ERI3: variants seen among roughly 807,000 people sequenced by gnomAD.
ERI3 encodes ERI1 exoribonuclease family member 3, also known as ERI1 exoribonuclease 3.
ERI3 carries 18 observed loss-of-function variants against 44.4 expected under a neutral mutation model. That is an observed-to-expected ratio of 0.41 (90% confidence interval 0.28 to 0.60). The LOEUF (loss-of-function observed/expected upper bound fraction) is 0.60. Ranked by LOEUF, ERI3 falls within the 20% of genes least tolerant of loss-of-function variation. ERI3 has a pLI of 0.36. For synonymous variants in ERI3, 183 were observed against 164.8 expected (o/e 1.11, Z -0.84); for missense variants, 294 against 435.5 (o/e 0.68, Z 2.89).
chr1:44,341,449 A>T (rs1646650850), intron 2 of ERI3, among the ~76,000 whole-genome samples: 1 of 152,250 alleles, frequency 6.6e-6, no homozygotes, highest in African/African-American at 2.4e-5. Context: ...TTCATAAGGC[A>T]GCCTCAGAGA....
intron 7 of ERI3, among the ~76,000 whole-genome samples, chr1:44,250,691 A>G (rs1438099189): frequency 1.3e-5 from 2 of 148,490 alleles, no homozygotes; most frequent in African/African-American, 2.5e-5. Flanking sequence ...GTGATAACCA[A>G]TTGCTGCTGT....
chr1:44,334,704 A>G (rs1239307889), intron 3 of ERI3, among the ~76,000 whole-genome samples: 6 of 152,254 alleles, frequency 3.9e-5, no homozygotes. Context: ...TGGCAAGCCA[A>G]CCACTCCAGT....
chr1:44,317,354 C>T (rs1446456046), intron 4 of ERI3, among the ~76,000 whole-genome samples: 1 of 152,148 alleles, frequency 6.6e-6, no homozygotes, highest in Non-Finnish European at 1.5e-5. Context: ...GAATGACAGC[C>T]CCCATCCTGT....
At chr1:44,254,239 T>C (rs1644738945) in intron 7 of ERI3, among the ~76,000 whole-genome samples, 1 of 152,100 alleles carries the variant, frequency 6.6e-6, no homozygotes, top group Non-Finnish European at 1.5e-5. Context: ...TCTACCTATT[T>C]CAGTCATCTT....
intron 7 of ERI3, among the ~76,000 whole-genome samples, chr1:44,279,779 T>G (rs901500987): frequency 6.6e-6 from 1 of 152,200 alleles, no homozygotes; most frequent in African/African-American, 2.4e-5. Flanking sequence ...CAATCACCAT[T>G]TGCTGTTTAT....
chr1:44,308,395 C>T lies in ERI3; in HGVS notation c.673G>A (p.Asp225Asn), dbSNP rs778966331. 1.9e-6 allele frequency: 3 copies of T among 1,613,858 alleles called. No individual in the cohort carries two copies. Among genetic ancestry groups the T allele is most frequent in the South Asian group, 2.2e-5 (2 of 91,084 alleles). Residue 225 changes from aspartate (D) to asparagine (N), a missense_variant, in exon 6 of 9, where the codon GAT (aspartate) becomes AAT (asparagine). Physicochemically the swap from Asp to Asn is conservative, Grantham distance 23 (BLOSUM62 1). Around this residue, in one of 2 missense-constraint regions of ERI3, gnomAD observed 187 missense variants for 338.6 expected, o/e 0.55. Transcript: ENST00000372257. ...AGGCCTTCCTTCGCCATCCATTCAT[C>T]GACCCTCTGAAAAGTACACAAGAAC... ...PSLQQVLERV[D>N]EWMAKEGLLD...
rs141114785 is a variant in ERI3, at chr1:44,310,951, T to TCGCGCGCGCG, written c.666+2208_666+2217dup. Among the ~76,000 whole-genome samples, 481 of 94,500 alleles carry TCGCGCGCGCG rather than the reference T, an allele frequency of 5.1e-3. 11 individuals are homozygous for TCGCGCGCGCG. The highest frequency in any genetic ancestry group is 0.015 in the Middle Eastern group (3 of 204). 62.0% of individuals were successfully genotyped at this position (94,500 alleles called of 152,430 possible). A position where few individuals can be genotyped will look rare whatever the true frequency, so the allele number is the denominator to read the frequency against. ...CCAACTCCTTGCATGTATGTGCACA[T>TCGCGCGCGCG]CGCGCGCGCGCGCACACACACACAC... On this transcript the variant is annotated intron_variant, in intron 5 of 8. Coordinates refer to ENST00000372257, the MANE Select transcript of ERI3 (RefSeq NM_024066.3).
At chr1:44,325,741 A>G (rs1454135733) in intron 3 of ERI3, among the ~76,000 whole-genome samples, 2 of 152,036 alleles carry the variant, frequency 1.3e-5, no homozygotes, top group South Asian at 4.1e-4. Context: ...GGCTCACTGC[A>G]ACCTCCGCCT....
At chr1:44,269,528 T>C (rs899037955) in intron 7 of ERI3, among the ~76,000 whole-genome samples, 3 of 152,150 alleles carry the variant, frequency 2.0e-5, no homozygotes, top group South Asian at 2.1e-4. Flanking sequence ...ACCTCCCCAA[T>C]TGGGTGAATG....
chr1:44,292,424 GTATCAC>G (rs1645526513), intron 6 of ERI3, among the ~76,000 whole-genome samples: 1 of 152,174 alleles, frequency 6.6e-6, no homozygotes, highest in Non-Finnish European at 1.5e-5. Context: ...ATATTCAGGA[GTATCAC>G]TGAGACCCAG....
chr1:44,320,891 G>A (rs901109030), intron 3 of ERI3, among the ~76,000 whole-genome samples: 12 of 152,204 alleles, frequency 7.9e-5, no homozygotes, highest in African/African-American at 2.7e-4. Flanking sequence ...CAGAGAGAAA[G>A]GAAGGGGGCT....
intron 7 of ERI3, among the ~76,000 whole-genome samples, chr1:44,249,924 T>C (rs1319474782): frequency 6.6e-6 from 1 of 152,038 alleles, no homozygotes; most frequent in Non-Finnish European, 1.5e-5. Context: ...CAATCTACTC[T>C]ATCAGCCTGG....
At chr1:44,296,444 C>T (rs548185822) in intron 6 of ERI3, among the ~76,000 whole-genome samples, 9 of 152,302 alleles carry the variant, frequency 5.9e-5, no homozygotes, top group South Asian at 4.1e-4. Flanking sequence ...ACAGTCCTGA[C>T]AGTCAGAGCA....
chr1:44,231,785 G>A (rs1221276147), intron 8 of ERI3, among the ~76,000 whole-genome samples: 1 of 152,206 alleles, frequency 6.6e-6, no homozygotes, highest in African/African-American at 2.4e-5. Flanking sequence ...GCCAGTCATT[G>A]GCACAGGGAT....
In ERI3 at chr1:44,221,301, G is replaced by A. The variant is rs1212152406; in HGVS notation, c.*257C>T. On this transcript the variant is annotated 3_prime_UTR_variant, in exon 9 of 9. Transcript: ENST00000372257. This position sits in a 1 kb window ranked among gnomAD's most constrained non-coding sequence, Gnocchi z 5.9. Reference sequence around the variant, plus strand: ...GCCTGGGTCCCCCTAGCCCAGGCCCGCAATGGGAGGGGCTGATACTGGGCT... The same window carrying A: ...GCCTGGGTCCCCCTAGCCCAGGCCCACAATGGGAGGGGCTGATACTGGGCT... 9 of 506,346 alleles carry A rather than the reference G, an allele frequency of 1.8e-5. No homozygotes were observed. The highest frequency in any genetic ancestry group is 3.9e-5 in the African/African-American group (2 of 51,250). 31.4% of individuals were successfully genotyped at this position (506,346 alleles called of 1,614,324 possible).
intron 4 of ERI3, among the ~76,000 whole-genome samples, chr1:44,317,900 A>AT (rs1273440398): frequency 6.6e-6 from 1 of 152,132 alleles, no homozygotes; most frequent in Non-Finnish European, 1.5e-5. Flanking sequence ...GATGGACAAG[A>AT]TCATGGCGAG....
chr1:44,273,253 C>T (rs750033504), intron 7 of ERI3, among the ~76,000 whole-genome samples: 1 of 152,198 alleles, frequency 6.6e-6, no homozygotes, highest in Non-Finnish European at 1.5e-5. Context: ...GCAAAGTGGA[C>T]CTAAGTCCTG....
intron 5 of ERI3, among the ~76,000 whole-genome samples, chr1:44,310,709 A>G (rs545740031): frequency 6.6e-6 from 1 of 152,248 alleles, no homozygotes; most frequent in East Asian, 1.9e-4. Flanking sequence ...TGCTAAAGTC[A>G]TCCTTGACTA....
At chr1:44,224,452 A>G (rs754740894) in intron 8 of ERI3, among the ~76,000 whole-genome samples, 2 of 152,200 alleles carry the variant, frequency 1.3e-5, no homozygotes, top group African/African-American at 2.4e-5. Context: ...CATGTTTCCA[A>G]TCTTAATTTC....
Sources: allele counts gnomAD v4.1 joint callset (sites outside exome capture counted in the v4.1 genomes callset), GRCh38; gene constraint gnomAD v4.1.1; regional missense constraint gnomAD v4.1.1; non-coding constraint Gnocchi (gnomAD v3.1); transcripts MANE v1.5; gene names NCBI Gene and HGNC (gene_info 2026-07-23, HGNC 2026-07-21).